XPNPEP3: variants seen among roughly 807,000 people sequenced by gnomAD.
The protein encoded by XPNPEP3 is X-prolyl aminopeptidase 3, also known as xaa-Pro aminopeptidase 3.
XPNPEP3 carries 41 observed loss-of-function variants against 60.0 expected under a neutral mutation model. The ratio of observed to expected loss-of-function variants is 0.68; its 90% CI spans 0.53 to 0.89. The LOEUF is 0.89. XPNPEP3 is among the 40% of genes least tolerant of loss of function. XPNPEP3 has a pLI of 0.00. For missense variants in XPNPEP3, 598 were observed against 638.9 expected, an observed-to-expected ratio of 0.94 and a Z score of 0.69; for synonymous variants, 212 against 223.2, an observed-to-expected ratio of 0.95 and a Z score of 0.45.
At chr22:40,910,716 A>T (rs1318813454) in intron 6 of XPNPEP3, among the ~76,000 whole-genome samples, 8 of 152,002 alleles carry the variant, frequency 5.3e-5, no homozygotes, top group Non-Finnish European at 1.5e-5. Context: ...TAAAAAAAAT[A>T]AAATATAGGC....
intron 4 of XPNPEP3, chr22:40,907,013 T>G (rs1303780093): frequency 2.2e-6 from 1 of 455,776 alleles, no homozygotes; most frequent in Non-Finnish European, 4.4e-6. Flanking sequence ...CCCTCGTGAT[T>G]TAATCACTAC....
intron 3 of XPNPEP3, among the ~76,000 whole-genome samples, chr22:40,884,317 C>T (rs1482564209): frequency 6.6e-6 from 1 of 150,500 alleles, no homozygotes; most frequent in East Asian, 1.9e-4. Context: ...CTCAAAAGTA[C>T]TTCTCGGTCA....
intron 1 of XPNPEP3, chr22:40,862,598 T>C: frequency 1.0e-6 from 1 of 985,476 alleles, no homozygotes; most frequent in Non-Finnish European, 1.2e-6. Context: ...AACAATTATA[T>C]GAGAGACAGC....
At position 40,927,637 on chromosome 22, in the gene XPNPEP3, G is replaced by C. The variant is rs1423483353; in HGVS notation, c.*1202G>C. 6.6e-6 allele frequency: 1 copy of C among 152,104 alleles called. No homozygotes were observed. The highest frequency in any genetic ancestry group is 1.5e-5 in the Non-Finnish European group (1 of 68,040). 9.4% of individuals were successfully genotyped at this position (152,104 alleles called of 1,614,324 possible). ...AGCCTGTAATCCCAGCACTTTGGGAGGCCGAGGTGGGCGGATCACGAGGTC... is the reference window on the plus strand; with the variant it reads ...AGCCTGTAATCCCAGCACTTTGGGACGCCGAGGTGGGCGGATCACGAGGTC... On this transcript the variant is annotated 3_prime_UTR_variant, in exon 10 of 10. Transcript: ENST00000357137.
rs1483147266 is a variant in XPNPEP3, at chr22:40,924,403, C to G, written c.1278C>G (p.Leu426=). The G allele has an allele frequency of 1.2e-6, 2 of 1,614,166 alleles. No individual in the cohort carries two copies. The highest frequency in any genetic ancestry group is 1.3e-5 in the African/African-American group (1 of 75,034). ...KYCPHHVGHY[L]GMDVHDTPDM... is the part of the protein sequence containing the mutation. ...GTCCTCATCATGTTGGCCACTACCT[C>G]GGGATGGATGTCCATGACACTCCAG... Residue 426 remains leucine, a synonymous_variant, in exon 9 of 10, where the codon CTC becomes CTG. Coordinates refer to ENST00000357137, the MANE Select transcript of XPNPEP3 (RefSeq NM_022098.4).
At chr22:40,900,327 G>A (rs1279047276) in intron 4 of XPNPEP3, among the ~76,000 whole-genome samples, 11 of 150,228 alleles carry the variant, frequency 7.3e-5, no homozygotes, top group Non-Finnish European at 1.5e-4. Flanking sequence ...AAAAAAGGCC[G>A]GGTACGGTGA....
At position 40,914,251 on chromosome 22, in the gene XPNPEP3, G is replaced by C; in HGVS notation, c.982G>C (p.Val328Leu). Residue 328 changes from valine to leucine, a missense_variant, in exon 7 of 10, where the codon GTG becomes CTG. Coordinates refer to ENST00000357137, the MANE Select transcript of XPNPEP3 (RefSeq NM_022098.4). The stretch of plus-strand genomic sequence containing the variant: ...TACTTTGTTCCAGGATGGGGAAATG[G>C]TGCTTCTGGATGGAGGTTGTGAGTC... ...NNQLIKDGEM[V>L]LLDGGCESSC... 6.2e-7 allele frequency: 1 copy of C among 1,614,032 alleles called. No individual in the cohort carries two copies.
intron 9 of XPNPEP3, among the ~76,000 whole-genome samples, chr22:40,924,856 G>T (rs2058229449): frequency 6.6e-6 from 1 of 152,040 alleles, no homozygotes; most frequent in Non-Finnish European, 1.5e-5. Flanking sequence ...ATGTAATTAA[G>T]TTAGAAGAGA....
chr22:40,895,509 A>G (rs983896677), intron 4 of XPNPEP3, among the ~76,000 whole-genome samples: 17 of 151,636 alleles, frequency 1.1e-4, no homozygotes, highest in Admixed American at 8.6e-4. Context: ...TTATTTTTGT[A>G]TTTTTAGTAG....
intron 1 of XPNPEP3, among the ~76,000 whole-genome samples, chr22:40,863,237 T>C (rs575597128): frequency 2.5e-4 from 38 of 152,344 alleles, no homozygotes; most frequent in African/African-American, 8.4e-4. Context: ...AATTCAGTCA[T>C]GTATGGGAAA....
At chr22:40,887,116 CAGTT>C (rs1304825685) in intron 4 of XPNPEP3, among the ~76,000 whole-genome samples, 9 of 152,116 alleles carry the variant, frequency 5.9e-5, no homozygotes, top group African/African-American at 2.2e-4. Flanking sequence ...CTAATAGTGT[CAGTT>C]AAACAGTTTG....
chr22:40,898,639 A>G (rs1021380730), intron 4 of XPNPEP3, among the ~76,000 whole-genome samples: 1 of 152,032 alleles, frequency 6.6e-6, no homozygotes, highest in Admixed American at 6.6e-5. Context: ...TCTTGATTTT[A>G]TTTCTTTTAT....
intron 2 of XPNPEP3, among the ~76,000 whole-genome samples, chr22:40,873,463 C>T (rs1482632799): frequency 6.6e-6 from 1 of 151,940 alleles, no homozygotes; most frequent in African/African-American, 2.4e-5. Context: ...CAGAATGCAA[C>T]TGTGTGGCAT....
At chr22:40,876,370 G>A (rs1016040899) in intron 2 of XPNPEP3, among the ~76,000 whole-genome samples, 9 of 152,062 alleles carry the variant, frequency 5.9e-5, no homozygotes, top group South Asian at 4.1e-4. Context: ...TTTTTATTTT[G>A]GTAATAATTA....
chr22:40,900,561 G>A (rs752646979), intron 4 of XPNPEP3, among the ~76,000 whole-genome samples: 7 of 151,104 alleles, frequency 4.6e-5, no homozygotes, highest in South Asian at 2.1e-4. Flanking sequence ...AACCGAGATC[G>A]CACCACTGCA....
intron 4 of XPNPEP3, among the ~76,000 whole-genome samples, chr22:40,888,836 C>G (rs2058078593): frequency 6.6e-6 from 1 of 152,134 alleles, no homozygotes; most frequent in Non-Finnish European, 1.5e-5. Flanking sequence ...TTCCCACTAG[C>G]AACGCACCAA....
At chr22:40,906,215 C>T (rs556960639) in intron 4 of XPNPEP3, among the ~76,000 whole-genome samples, 3 of 152,116 alleles carry the variant, frequency 2.0e-5, no homozygotes, top group South Asian at 2.1e-4. Flanking sequence ...TGCTGGGTTA[C>T]AGGTGTGAGC....
chr22:40,861,904 G>A (rs752649656), intron 1 of XPNPEP3: 2 of 1,613,774 alleles, frequency 1.2e-6, no homozygotes, highest in African/African-American at 2.7e-5. Context: ...TTATCAGGGT[G>A]CCATTTAAGT....
chr22:40,923,241 A>T (rs991833765), intron 8 of XPNPEP3, among the ~76,000 whole-genome samples: 4 of 151,946 alleles, frequency 2.6e-5, no homozygotes, highest in African/African-American at 9.7e-5. Flanking sequence ...AGAGAGATTA[A>T]CTTTTAATCC....
Sources: gnomAD v4.1 joint callset for allele counts (sites outside exome capture counted in the v4.1 genomes callset) on GRCh38, gnomAD v4.1.1 for gene constraint, MANE v1.5 for transcripts, NCBI Gene and HGNC (gene_info 2026-07-23, HGNC 2026-07-21) for gene names.